The following FIP1L1 variants were observed in gnomAD, a reference collection of about 807,000 sequenced individuals.
FIP1L1 encodes factor interacting with PAPOLA and CPSF1.
FIP1L1 carries 21 observed loss-of-function variants against 84.6 expected under a neutral mutation model. The ratio of observed to expected loss-of-function variants is 0.25; its 90% CI spans 0.18 to 0.36. FIP1L1 has a LOEUF of 0.36. FIP1L1 is among the 10% of genes least tolerant of loss of function. FIP1L1 has a pLI of 1.00. For missense variants in FIP1L1, 526 were observed against 751.1 expected (o/e 0.70, Z 3.50); for synonymous variants, 263 against 242.3 (o/e 1.09, Z -0.80).
At chr4:53,389,666 AAAATAAAGATAG>A (rs1560492737) in intron 5 of FIP1L1, 131 bp from the exon 6 acceptor site, 2 of 654,364 alleles carry the variant, frequency 3.1e-6, no homozygotes, top group African/African-American at 3.8e-5. Flanking sequence ...CAAAATTTAA[AAAATAAAGATAG>A]AAATAAAATG....
chr4:53,449,678 G>GA (rs1314611942), intron 15 of FIP1L1, among the ~76,000 whole-genome samples: 3 of 152,034 alleles, frequency 2.0e-5, no homozygotes, highest in Admixed American at 1.3e-4. Flanking sequence ...TATTTGCTGG[G>GA]AGTTTGTGTA....
In FIP1L1 at chr4:53,453,891, G is replaced by T. The variant is rs151007853; in HGVS notation, c.1499+758G>T. Among the ~76,000 whole-genome samples the T allele has an allele frequency of 6.6e-5, 10 of 152,226 alleles. No homozygotes were observed. In the East Asian group the frequency reaches 1.7e-3, roughly 26 times the overall value. ...AAATTATCCATTTTTTAAAGAAAAT[G>T]TACAAATAGTCTCTCTTTAAGAATT... On this transcript the variant is annotated intron_variant, in intron 16 of 17. Transcript: ENST00000337488.
At chr4:53,444,016 C>G in intron 14 of FIP1L1, 32 bp from the exon 15 acceptor site, 2 of 1,498,856 alleles carry the variant, frequency 1.3e-6, no homozygotes, top group South Asian at 2.3e-5. Flanking sequence ...TTATTTGTAC[C>G]AGACATAAAA....
chr4:53,399,286 A>G (rs1749025287), intron 9 of FIP1L1, among the ~76,000 whole-genome samples: 1 of 152,218 alleles, frequency 6.6e-6, no homozygotes, highest in Non-Finnish European at 1.5e-5. Flanking sequence ...GTTACAGGAA[A>G]TCACAGTCTG....
At chr4:53,409,820 C>T (rs534851617) in intron 10 of FIP1L1, among the ~76,000 whole-genome samples, 10 of 152,320 alleles carry the variant, frequency 6.6e-5, no homozygotes, top group South Asian at 2.1e-4. Flanking sequence ...TCTCCTGGTG[C>T]GCCGTTTTTT....
chr4:53,434,736 G>A (rs1768322605), intron 13 of FIP1L1, among the ~76,000 whole-genome samples: 1 of 152,154 alleles, frequency 6.6e-6, no homozygotes, highest in Admixed American at 6.5e-5. Context: ...CCAAAGTGCT[G>A]GGATTACAGG....
intron 10 of FIP1L1, among the ~76,000 whole-genome samples, chr4:53,408,670 A>G (rs1755234475): frequency 6.6e-6 from 1 of 152,082 alleles, no homozygotes; most frequent in African/African-American, 2.4e-5. Context: ...ATAGTCCCAT[A>G]TTTCTTGGAG....
At chr4:53,415,443 C>T (rs564895770) in intron 11 of FIP1L1, among the ~76,000 whole-genome samples, 25 of 151,998 alleles carry the variant, frequency 1.6e-4, no homozygotes, top group Non-Finnish European at 3.5e-4. Context: ...GATAACCTGA[C>T]TTCAAAATAC....
chr4:53,458,493 T>A (rs1720687751), intron 16 of FIP1L1, 160 bp from the exon 17 acceptor site: 2 of 560,082 alleles, frequency 3.6e-6, no homozygotes, highest in Non-Finnish European at 6.0e-6. Context: ...AAGCATTATT[T>A]TCCTCTCAAT....
Position 53,377,660 on chromosome 4 carries a change from TGCGCTGGAG to T in FIP1L1, c.-176_-168del. 1 of 542,232 alleles carries T rather than the reference TGCGCTGGAG, an allele frequency of 1.8e-6. No homozygotes were observed. Among genetic ancestry groups the T allele is most frequent in the Non-Finnish European group, 3.1e-6 (1 of 320,048 alleles). 33.6% of individuals were successfully genotyped at this position (542,232 alleles called of 1,614,324 possible). A position where few individuals can be genotyped will look rare whatever the true frequency, so the allele number is the denominator to read the frequency against. ...TCTCCTGCGCATGCGCAGACGGACC[TGCGCTGGAG>T]GCTTCATCTTTGCCGCCGCTGCCGT... On this transcript the variant is annotated 5_prime_UTR_variant, in exon 1 of 18. Transcript: ENST00000337488.
chr4:53,442,537 A>G (rs1772405059), intron 13 of FIP1L1, 116 bp from the exon 14 acceptor site: 3 of 692,278 alleles, frequency 4.3e-6, no homozygotes, highest in Admixed American at 2.4e-5. Flanking sequence ...TTATTACAAC[A>G]TAGAGAAGCA....
At chr4:53,399,424 TC>T (rs1019357386) in intron 9 of FIP1L1, among the ~76,000 whole-genome samples, 1 of 152,194 alleles carries the variant, frequency 6.6e-6, no homozygotes, top group African/African-American at 2.4e-5. Flanking sequence ...TAACCAAGTA[TC>T]TGGGACCTAT....
chr4:53,442,802 A>G, intron 14 of FIP1L1, 95 bp downstream of exon 14: 2 of 681,860 alleles, frequency 2.9e-6, no homozygotes, highest in South Asian at 2.0e-5. Flanking sequence ...AATTTTATAA[A>G]CACAGCACCT....
intron 10 of FIP1L1, among the ~76,000 whole-genome samples, chr4:53,406,689 C>A: frequency 6.6e-6 from 1 of 152,106 alleles, no homozygotes; most frequent in East Asian, 1.9e-4. Flanking sequence ...ATTTCAGAGC[C>A]TATTATTGGT....
intron 15 of FIP1L1, among the ~76,000 whole-genome samples, chr4:53,446,259 C>A (rs531872335): frequency 6.6e-6 from 1 of 152,002 alleles, no homozygotes; most frequent in South Asian, 2.1e-4. Flanking sequence ...TTGATTCCCC[C>A]TCTTACCATT....
intron 5 of FIP1L1, among the ~76,000 whole-genome samples, chr4:53,386,201 T>G (rs1337366960): frequency 6.6e-6 from 1 of 152,194 alleles, no homozygotes; most frequent in Non-Finnish European, 1.5e-5. Flanking sequence ...ATAAATAATT[T>G]TTAAAGACAT....
At chr4:53,389,951 T>A in intron 6 of FIP1L1, 78 bp downstream of exon 6, 2 of 1,084,690 alleles carry the variant, frequency 1.8e-6, no homozygotes, top group Non-Finnish European at 2.7e-6. Flanking sequence ...CTTTTTTTTT[T>A]AGTCGGGGAC....
At chr4:53,419,824 A>G (rs1391777791) in intron 11 of FIP1L1, among the ~76,000 whole-genome samples, 1 of 152,158 alleles carries the variant, frequency 6.6e-6, no homozygotes, top group African/African-American at 2.4e-5. Flanking sequence ...GGCTTGAAAG[A>G]TAAATCAGCC....
At chr4:53,441,951 A>G (rs570477867) in intron 13 of FIP1L1, among the ~76,000 whole-genome samples, 7 of 152,116 alleles carry the variant, frequency 4.6e-5, no homozygotes, top group African/African-American at 1.4e-4. Flanking sequence ...TTTATAGCCT[A>G]TCTGAATTTG....
Sources: gnomAD v4.1 joint callset for allele counts (sites outside exome capture counted in the v4.1 genomes callset) on GRCh38, gnomAD v4.1.1 for gene constraint, MANE v1.5 for transcripts, NCBI Gene and HGNC (gene_info 2026-07-23, HGNC 2026-07-21) for gene names.